The following MYH1 variants were observed in gnomAD, a reference collection of about 807,000 sequenced individuals.
MYH1 encodes the protein myosin heavy chain 1.
A neutral mutation model predicts 225.6 loss-of-function variants in MYH1; 214 were observed. That is an observed-to-expected ratio of 0.95 (90% confidence interval 0.85 to 1.06). The LOEUF (loss-of-function observed/expected upper bound fraction) is 1.06, where lower values mean the gene tolerates loss of function less well. Ranked by LOEUF, MYH1 falls within the 50% of genes least tolerant of loss-of-function variation. The probability of loss-of-function intolerance (pLI) is 0.00; values close to 1 mark genes in which losing one functional copy is unlikely to be tolerated. For synonymous variants in MYH1, 774 were observed against 842.3 expected, an observed-to-expected ratio of 0.92 and a Z score of 1.40; for missense variants, 2,098 against 2,344.2, an observed-to-expected ratio of 0.89 and a Z score of 2.17.
chr17:10,500,930 G>C (rs1473467992), intron 27 of MYH1, among the ~76,000 whole-genome samples, 178 bp from the exon 28 acceptor site: 1 of 152,100 alleles, frequency 6.6e-6, no homozygotes, highest in African/African-American at 2.4e-5. Context: ...AAGATACATA[G>C]TCCAAGCATA....
At position 10,496,559 on chromosome 17, in the gene MYH1, A is replaced by G; in HGVS notation, c.4657-10T>C. On this transcript the variant is annotated splice_polypyrimidine_tract_variant and intron_variant, in intron 33 of 39. Transcript: ENST00000226207. ...CATGTTCAAGAGATGCCTTAATGAC[A>G]GCAAGAGGTGACATTAGTAGAGTAA... is the stretch of plus-strand genomic sequence containing the variant. The G allele has an allele frequency of 6.2e-7, 1 of 1,614,188 alleles. No homozygotes were observed. Among genetic ancestry groups the G allele is most frequent in the Non-Finnish European group, 8.5e-7 (1 of 1,180,030 alleles).
intron 15 of MYH1, 66 bp from the exon 16 acceptor site, chr17:10,508,738 T>G: frequency 1.9e-6 from 3 of 1,554,488 alleles, no homozygotes; most frequent in South Asian, 2.4e-5. Context: ...ACATTTAACA[T>G]TAATAATTAT....
chr17:10,513,837 T>C lies in MYH1; in HGVS notation c.725A>G (p.Asp242Gly), dbSNP rs1314619986. 15 of 1,614,192 alleles carry C rather than the reference T, an allele frequency of 9.3e-6. No homozygotes were observed. The highest frequency in any genetic ancestry group is 1.7e-5 in the Admixed American group (1 of 60,026). ...AFGNAKTVRN[D>G]NSSRFGKFIR... is the part of the protein sequence containing the mutation. ...GAGACTTACAAAGCGAGAGGAGTTG[T>C]CATTCCTCACGGTCTTGGCGTTGCC... The change falls in exon 8 of 40, where the codon GAC (aspartate) becomes GGC (glycine). Residue 242 changes from aspartate (D) to glycine (G), a missense_variant. By Grantham distance (94) the Asp-to-Gly change is moderately conservative (BLOSUM62 -1). Coordinates refer to ENST00000226207, the MANE Select transcript of MYH1 (RefSeq NM_005963.4).
Position 10,512,974 on chromosome 17 carries a change from G to T in MYH1, c.806-9C>A. ...AGACTTCTCCAGAAGATCTGCAACG[G>T]ATAGTAGACATCAGATTATGGGGAA... On this transcript the variant is annotated splice_polypyrimidine_tract_variant and intron_variant, in intron 9 of 39. Coordinates refer to ENST00000226207, the MANE Select transcript of MYH1 (RefSeq NM_005963.4). 1.3e-6 allele frequency: 2 copies of T among 1,581,990 alleles called. No homozygotes were observed. Among genetic ancestry groups the T allele is most frequent in the Non-Finnish European group, 1.7e-6 (2 of 1,152,718 alleles).
chr17:10,500,584 G>T, intron 28 of MYH1, 42 bp downstream of exon 28: 1 of 1,610,744 alleles, frequency 6.2e-7, no homozygotes, highest in South Asian at 1.1e-5. Flanking sequence ...ACACATGCAG[G>T]GTGAATTTGT....
At chr17:10,504,398 G>C (rs539944065) in intron 22 of MYH1, among the ~76,000 whole-genome samples, 3 of 152,170 alleles carry the variant, frequency 2.0e-5, no homozygotes, top group Admixed American at 2.0e-4. Context: ...AAAGTTGCTC[G>C]GGGATTGTAG....
intron 15 of MYH1, among the ~76,000 whole-genome samples, chr17:10,509,107 G>A (rs1384549684): frequency 5.9e-5 from 9 of 152,118 alleles, no homozygotes; most frequent in African/African-American, 1.7e-4. Flanking sequence ...TGGGTCTTTC[G>A]CACACTGGAT....
intron 19 of MYH1, 67 bp from the exon 20 acceptor site, chr17:10,505,578 T>C (rs2073103562): frequency 6.4e-7 from 1 of 1,574,728 alleles, no homozygotes; most frequent in Non-Finnish European, 8.6e-7. Context: ...TGTCTGGCTA[T>C]AGAAACAACA....
rs2142261259 is a variant in MYH1, at chr17:10,500,280, A to C, written c.3865+346T>G. Among the ~76,000 whole-genome samples the C allele has an allele frequency of 2.0e-5, 3 of 152,088 alleles. 1 individual carries two copies. The highest frequency in any genetic ancestry group is 2.0e-4 in the Admixed American group (3 of 15,274). On this transcript the variant is annotated intron_variant, in intron 28 of 39. Transcript: ENST00000226207. ...ACTGTAAGGATGCACTTTGTTTTTG[A>C]TAACTTTTTGATTAAAGCCAAGTCT...
In MYH1 at chr17:10,512,727, A is replaced by G. The variant is rs202093997; in HGVS notation, c.962T>C (p.Ile321Thr). The part of the protein sequence containing the change: ...YDYAFVSQGE[I>T]TVPSIDDQEE... Reference sequence around the variant, plus strand: ...TTGGTCATCAATGCTGGGCACTGTGATCTCCCCTTGACTGACGAAGGCATA... The same window carrying G: ...TTGGTCATCAATGCTGGGCACTGTGGTCTCCCCTTGACTGACGAAGGCATA... The change falls in exon 11 of 40, where the codon ATC (isoleucine) becomes ACC (threonine). Residue 321 changes from isoleucine (I) to threonine (T), a missense_variant. Ile to Thr is a moderately conservative substitution (Grantham distance 89). Coordinates refer to ENST00000226207, the MANE Select transcript of MYH1 (RefSeq NM_005963.4). 2 of 1,613,804 alleles carry G rather than the reference A, an allele frequency of 1.2e-6. No homozygotes were observed. Among genetic ancestry groups the G allele is most frequent in the African/African-American group, 1.3e-5 (1 of 74,984 alleles).
intron 6 of MYH1, 61 bp from the exon 7 acceptor site, chr17:10,514,185 C>A: frequency 6.4e-7 from 1 of 1,572,862 alleles, no homozygotes; most frequent in Non-Finnish European, 8.7e-7. Context: ...ACAACTACCT[C>A]ATGGCTTTGT....
At chr17:10,516,791 T>C (rs1440487704) in intron 2 of MYH1, 109 bp from the exon 3 acceptor site, 2 of 921,878 alleles carry the variant, frequency 2.2e-6, no homozygotes, top group Admixed American at 2.7e-5. Context: ...TAGCATTGCA[T>C]TGGGTATGAC....
At chr17:10,507,852 A>G in intron 17 of MYH1, 34 bp downstream of exon 17, 1 of 1,570,360 alleles carries the variant, frequency 6.4e-7, no homozygotes, top group Non-Finnish European at 8.8e-7. Flanking sequence ...TTAATATCCT[A>G]AATCTAATTA....
chr17:10,516,622 C>T lies in MYH1; in HGVS notation c.21G>A (p.Met7Ile). Reference sequence around the variant, plus strand: ...AAGGAGCAGCCTCCCCAAAAATGGCCATCTCAGAGTCGGAACTCATGGCTG... The same window carrying T: ...AAGGAGCAGCCTCCCCAAAAATGGCTATCTCAGAGTCGGAACTCATGGCTG... MSSDSE[M>I]AIFGEAAPFL... is the part of the protein sequence containing the mutation. The change falls in exon 3 of 40, where the codon ATG becomes ATA. Residue 7 changes from methionine to isoleucine, a missense_variant. Transcript: ENST00000226207. The T allele has an allele frequency of 6.2e-7, 1 of 1,614,162 alleles. No homozygotes were observed. Among genetic ancestry groups the T allele is most frequent in the East Asian group, 2.2e-5 (1 of 44,888 alleles).
At chr17:10,492,854 T>TG (rs35731851) in intron 39 of MYH1, among the ~76,000 whole-genome samples, 8,228 of 151,990 alleles carry the variant, frequency 0.054, 245 homozygotes, top group South Asian at 0.12. Flanking sequence ...TTGTTTTTTT[T>TG]TTTGTTTGTT....
chr17:10,494,725 T>C (rs772777321), intron 37 of MYH1, 52 bp from the exon 38 acceptor site: 1 of 1,608,008 alleles, frequency 6.2e-7, no homozygotes, highest in Admixed American at 1.7e-5. Flanking sequence ...TTTCTACTTC[T>C]TCACATGACC....
chr17:10,505,071 A>G lies in MYH1; in HGVS notation c.2436-6T>C, dbSNP rs757564783. The G allele has an allele frequency of 6.8e-6, 11 of 1,613,950 alleles. No individual in the cohort carries two copies. The highest frequency in any genetic ancestry group is 9.3e-6 in the Non-Finnish European group (11 of 1,179,978). On this transcript the variant is annotated splice_region_variant and splice_polypyrimidine_tract_variant and intron_variant, in intron 21 of 39. Coordinates refer to ENST00000226207, the MANE Select transcript of MYH1 (RefSeq NM_005963.4). ...GGATGCAGAAGATGGACTCTCTGTC[A>G]TAGGAACAGAAATGTCCAAATCAGA...
rs553495548 is a variant in MYH1, at chr17:10,492,698, A to C, written c.5668-130T>G. 1.8e-5 allele frequency: 19 copies of C among 1,038,378 alleles called. No individual in the cohort carries two copies. The African/African-American group carries it at 2.3e-4, about 13-fold the overall frequency. 64.3% of individuals were successfully genotyped at this position (1,038,378 alleles called of 1,614,324 possible). A position where few individuals can be genotyped will look rare whatever the true frequency, so the allele number is the denominator to read the frequency against. On this transcript the variant is annotated intron_variant, in intron 39 of 39. Coordinates refer to ENST00000226207, the MANE Select transcript of MYH1 (RefSeq NM_005963.4). Reference sequence around the variant, plus strand: ...CAGATATTTTAAGAAACCTAGAGAAATGCTCTTGAATTTTTATTTTTTTTT... The same window carrying C: ...CAGATATTTTAAGAAACCTAGAGAACTGCTCTTGAATTTTTATTTTTTTTT...
At chr17:10,497,574 GAA>G in intron 31 of MYH1, 122 bp from the exon 32 acceptor site, 2 of 1,483,066 alleles carry the variant, frequency 1.3e-6, no homozygotes, top group Non-Finnish European at 1.8e-6. Flanking sequence ...TGAATGAGAA[GAA>G]TAGAAACCAT....
Sources: gnomAD v4.1 joint callset for allele counts (sites outside exome capture counted in the v4.1 genomes callset) on GRCh38, gnomAD v4.1.1 for gene constraint, MANE v1.5 for transcripts, NCBI Gene and HGNC (gene_info 2026-07-23, HGNC 2026-07-21) for gene names.